SLC12A6: variants seen among roughly 807,000 people sequenced by gnomAD.
The protein encoded by SLC12A6 is K-Cl cotransporter 3.
SLC12A6 carries 66 observed loss-of-function variants against 135.3 expected under a neutral mutation model. The observed-to-expected ratio is 0.49, with a 90% CI of 0.40 to 0.60. The LOEUF is 0.60. SLC12A6 is among the 20% of genes least tolerant of loss of function. The probability of loss-of-function intolerance (pLI) is 0.00; values close to 1 mark genes in which losing one functional copy is unlikely to be tolerated. For missense variants in SLC12A6, 1,058 were observed against 1,452.3 expected, an observed-to-expected ratio of 0.73 and a Z score of 4.41; for synonymous variants, 513 against 508.8, an observed-to-expected ratio of 1.01 and a Z score of -0.11.
intron 25 of SLC12A6, among the ~76,000 whole-genome samples, chr15:34,234,649 G>A (rs1372123922): frequency 6.6e-6 from 1 of 152,178 alleles, no homozygotes; most frequent in Non-Finnish European, 1.5e-5. Flanking sequence ...TGGGATTACA[G>A]GCATGAGCCA....
chr15:34,251,842 G>A (rs1892413686), intron 10 of SLC12A6, among the ~76,000 whole-genome samples: 1 of 152,178 alleles, frequency 6.6e-6, no homozygotes, highest in South Asian at 2.1e-4. Context: ...ATTAAAACAG[G>A]TCTATTCTGT....
At chr15:34,266,099 A>G (rs977776461) in intron 3 of SLC12A6, among the ~76,000 whole-genome samples, 1 of 151,194 alleles carries the variant, frequency 6.6e-6, no homozygotes, top group Non-Finnish European at 1.5e-5. Context: ...GTCCAAGCAT[A>G]TCAATAAAAC....
chr15:34,278,557 A>G (rs1305121791), intron 2 of SLC12A6, among the ~76,000 whole-genome samples: 1 of 152,218 alleles, frequency 6.6e-6, no homozygotes, highest in African/African-American at 2.4e-5. Flanking sequence ...CCTATACTTC[A>G]GATGAGTAGA....
chr15:34,266,453 A>AT (rs1893529514), intron 3 of SLC12A6, among the ~76,000 whole-genome samples: 1 of 151,820 alleles, frequency 6.6e-6, no homozygotes, highest in Non-Finnish European at 1.5e-5. Context: ...CATTATTATT[A>AT]TTTTTTGAGA....
intron 2 of SLC12A6, among the ~76,000 whole-genome samples, chr15:34,301,118 A>G (rs1302423044): frequency 1.3e-5 from 2 of 152,028 alleles, no homozygotes; most frequent in Non-Finnish European, 2.9e-5. Flanking sequence ...AGAGGCATGC[A>G]CCACCACACC....
chr15:34,310,222 CTAG>C (rs146893132), intron 2 of SLC12A6, among the ~76,000 whole-genome samples: 3 of 129,842 alleles, frequency 2.3e-5, no homozygotes, highest in African/African-American at 1.1e-4. Context: ...TGTGTCCAGG[CTAG>C]TGTTGAACTC....
chr15:34,248,683 G>C lies in SLC12A6; in HGVS notation c.1649+1615C>G, dbSNP rs1230399083. Among the ~76,000 whole-genome samples, 27 of 152,020 alleles carry C rather than the reference G, an allele frequency of 1.8e-4. 1 individual carries two copies. Among genetic ancestry groups the C allele is most frequent in the Admixed American group, 1.8e-3 (27 of 15,246 alleles). ...CTGTTAGGCTTCGAGTCCTCAAAGA[G>C]CTCAACGTGTAGGGGAGAGTAATAT... is the stretch of plus-strand genomic sequence containing the variant. On this transcript the variant is annotated intron_variant, in intron 13 of 25. Transcript: ENST00000354181.
chr15:34,285,521 T>TC (rs1394697750), intron 2 of SLC12A6, among the ~76,000 whole-genome samples: 3 of 151,600 alleles, frequency 2.0e-5, no homozygotes, highest in African/African-American at 7.3e-5. Context: ...TTTTTTTTTT[T>TC]CCAAGCCAGC....
chr15:34,315,442 C>G (rs1232657582), intron 2 of SLC12A6, among the ~76,000 whole-genome samples: 1 of 151,990 alleles, frequency 6.6e-6, no homozygotes, highest in African/African-American at 2.4e-5. Flanking sequence ...TATTTTAGAG[C>G]CAGGAATGGT....
At position 34,232,760 on chromosome 15, in the gene SLC12A6, G is replaced by A. The variant is rs1891023699; in HGVS notation, c.*1121C>T. On this transcript the variant is annotated 3_prime_UTR_variant, in exon 26 of 26. Transcript: ENST00000354181. ...CAATGCCAATCTGTATGCCATTTTA[G>A]TAAAGTAGGTAAGGAGAGTAGCCGC... is the stretch of plus-strand genomic sequence containing the variant. The A allele has an allele frequency of 6.6e-6, 1 of 152,590 alleles. No individual in the cohort carries two copies. The highest frequency in any genetic ancestry group is 1.9e-4 in the East Asian group (1 of 5,198). 9.5% of individuals were successfully genotyped at this position (152,590 alleles called of 1,614,324 possible).
At chr15:34,294,083 G>GT in intron 2 of SLC12A6, among the ~76,000 whole-genome samples, 1 of 152,158 alleles carries the variant, frequency 6.6e-6, no homozygotes, top group East Asian at 1.9e-4. Flanking sequence ...TCTTTCTTGT[G>GT]TAAATTACAC....
chr15:34,306,786 T>A (rs1470388208), intron 2 of SLC12A6, among the ~76,000 whole-genome samples: 1 of 152,242 alleles, frequency 6.6e-6, no homozygotes, highest in East Asian at 1.9e-4. Context: ...TTTCAACTAC[T>A]GCCCTAAGTA....
intron 2 of SLC12A6, among the ~76,000 whole-genome samples, chr15:34,319,396 C>A (rs1232611380): frequency 6.6e-6 from 1 of 151,984 alleles, no homozygotes; most frequent in Non-Finnish European, 1.5e-5. Context: ...CCCACCTCGG[C>A]CTCCCACAGT....
At chr15:34,300,021 A>C (rs74947016) in intron 2 of SLC12A6, among the ~76,000 whole-genome samples, 1 of 152,152 alleles carries the variant, frequency 6.6e-6, no homozygotes, top group Admixed American at 6.5e-5. Context: ...TTGGAAGACT[A>C]AATGAGCAAA....
At chr15:34,250,235 G>A (rs1595430160) in intron 13 of SLC12A6, 63 bp downstream of exon 13, 1 of 937,668 alleles carries the variant, frequency 1.1e-6, no homozygotes, top group East Asian at 2.4e-5. Flanking sequence ...TTGGAGCTAT[G>A]TGGAATGATC....
chr15:34,292,559 T>C (rs1473862687), intron 2 of SLC12A6, among the ~76,000 whole-genome samples: 2 of 152,202 alleles, frequency 1.3e-5, no homozygotes, highest in Non-Finnish European at 2.9e-5. Flanking sequence ...CTGGAGAAGC[T>C]GTCTGCTGCC....
chr15:34,292,251 TG>T (rs1360279997), intron 2 of SLC12A6, among the ~76,000 whole-genome samples: 2 of 152,302 alleles, frequency 1.3e-5, no homozygotes, highest in African/African-American at 4.8e-5. Context: ...GCCACTCAGC[TG>T]CAGGTCTGTT....
chr15:34,274,574 G>A (rs1894170772), intron 3 of SLC12A6, among the ~76,000 whole-genome samples: 1 of 152,112 alleles, frequency 6.6e-6, no homozygotes, highest in Non-Finnish European at 1.5e-5. Context: ...CAGCATTTTG[G>A]GAGGCAGAGG....
intron 2 of SLC12A6, among the ~76,000 whole-genome samples, chr15:34,297,940 TTA>T (rs144172697): frequency 0.027 from 4,164 of 152,246 alleles, 202 homozygotes; most frequent in African/African-American, 0.095. Flanking sequence ...GGCAGACTCA[TTA>T]ATAGACCACG....
Sources: gnomAD v4.1 joint callset for allele counts (sites outside exome capture counted in the v4.1 genomes callset) on GRCh38, gnomAD v4.1.1 for gene constraint, MANE v1.5 for transcripts, NCBI Gene and HGNC (gene_info 2026-07-23, HGNC 2026-07-21) for gene names.